The following ATXN7 variants were observed in gnomAD, a reference collection of about 807,000 sequenced individuals.
The protein encoded by ATXN7 is ataxin 7.
Under a neutral mutation model 70.5 loss-of-function variants are expected in ATXN7, and 12 were observed. That is an observed-to-expected ratio of 0.17 (90% CI 0.11 to 0.28). The LOEUF is 0.28. ATXN7 is among the 10% of genes least tolerant of loss of function. The pLI is 1.00. For synonymous variants in ATXN7, 498 were observed against 448.7 expected, an observed-to-expected ratio of 1.11 and a Z score of -1.39; for missense variants, 1,256 against 1,131.7, an observed-to-expected ratio of 1.11 and a Z score of -1.58.
chr3:63,965,861 A>G (rs2075213653), intron 5 of ATXN7, among the ~76,000 whole-genome samples: 1 of 152,200 alleles, frequency 6.6e-6, no homozygotes, highest in South Asian at 2.1e-4. Flanking sequence ...ATTTCTGTGT[A>G]TGTGTACAAA....
At chr3:63,954,286 C>A (rs1232758929) in intron 5 of ATXN7, among the ~76,000 whole-genome samples, 2 of 152,214 alleles carry the variant, frequency 1.3e-5, no homozygotes, top group Non-Finnish European at 2.9e-5. Flanking sequence ...AGTTTGTGCA[C>A]TGAACAACCA....
chr3:63,866,910 A>G (rs1266860433), intron 1 of ATXN7: 1 of 151,584 alleles, frequency 6.6e-6, no homozygotes, highest in Admixed American at 6.6e-5. Context: ...CAGACTTTGA[A>G]CTTGTATGAC....
chr3:63,973,023 C>T (rs2075338909), intron 5 of ATXN7, among the ~76,000 whole-genome samples: 1 of 152,162 alleles, frequency 6.6e-6, no homozygotes, highest in African/African-American at 2.4e-5. Context: ...GTGCTGCAGG[C>T]TTTGCAACTC....
chr3:63,982,843 A>G, intron 7 of ATXN7, 96 bp from the exon 8 acceptor site: 1 of 956,598 alleles, frequency 1.0e-6, no homozygotes, highest in Non-Finnish European at 1.7e-6. Flanking sequence ...TCCAGCTATA[A>G]TTTATCTAAC....
At chr3:63,990,154 G>A (rs1217251335) in intron 9 of ATXN7, 22 bp from the exon 10 acceptor site, 4 of 1,611,240 alleles carry the variant, frequency 2.5e-6, no homozygotes, top group Admixed American at 3.3e-5. Flanking sequence ...TCTGATCCGT[G>A]CTGCACTTTC....
chr3:63,934,028 T>A (rs2074611971), intron 4 of ATXN7, among the ~76,000 whole-genome samples: 2 of 152,208 alleles, frequency 1.3e-5, no homozygotes, highest in South Asian at 4.1e-4. Flanking sequence ...ATCACAAATG[T>A]TGTACTTAAA....
At chr3:63,940,045 C>T (rs1244512877) in intron 4 of ATXN7, among the ~76,000 whole-genome samples, 1 of 151,910 alleles carries the variant, frequency 6.6e-6, no homozygotes, top group African/African-American at 2.4e-5. Flanking sequence ...AAGAGGCTGA[C>T]CAAAAAAGTA....
At chr3:63,895,092 C>G (rs1267093658) in intron 1 of ATXN7, among the ~76,000 whole-genome samples, 2 of 152,170 alleles carry the variant, frequency 1.3e-5, no homozygotes, top group Non-Finnish European at 2.9e-5. Context: ...GTGGCAGTCT[C>G]ACGTTAAAGC....
intron 1 of ATXN7, among the ~76,000 whole-genome samples, chr3:63,872,754 T>G (rs1162869453): frequency 6.6e-6 from 1 of 152,194 alleles, no homozygotes; most frequent in Non-Finnish European, 1.5e-5. Flanking sequence ...TAAACTCTGT[T>G]TGTTTGCCAT....
At chr3:63,938,245 A>G (rs1321498939) in intron 4 of ATXN7, among the ~76,000 whole-genome samples, 2 of 152,194 alleles carry the variant, frequency 1.3e-5, no homozygotes, top group Non-Finnish European at 2.9e-5. Context: ...CTGAGATAAG[A>G]GAATGCATGA....
intron 5 of ATXN7, among the ~76,000 whole-genome samples, chr3:63,977,385 C>A (rs13060787): frequency 0.021 from 3,181 of 152,206 alleles, 36 homozygotes; most frequent in Middle Eastern, 0.037. Flanking sequence ...CTCTGAGACA[C>A]CTGCTTGAGA....
intron 12 of ATXN7, chr3:63,998,665 T>A (rs1476190491): frequency 1.0e-6 from 1 of 985,406 alleles, no homozygotes; most frequent in African/African-American, 1.7e-5. Flanking sequence ...GGGTGCTTGC[T>A]TAGAGATCAA....
intron 8 of ATXN7, among the ~76,000 whole-genome samples, chr3:63,986,841 G>T (rs3774724): frequency 6.6e-6 from 1 of 152,156 alleles, no homozygotes; most frequent in Admixed American, 6.5e-5. Flanking sequence ...AGTCCCTAAA[G>T]TTGTACCAAC....
At chr3:63,954,316 G>A (rs1443381499) in intron 5 of ATXN7, among the ~76,000 whole-genome samples, 1 of 152,178 alleles carries the variant, frequency 6.6e-6, no homozygotes, top group Non-Finnish European at 1.5e-5. Context: ...GCCCCGGATT[G>A]GCAACAAGGT....
Position 63,952,359 on chromosome 3 carries a change from G to A in ATXN7, c.395-20G>A. The A allele has an allele frequency of 6.4e-7, 1 of 1,571,562 alleles. No individual in the cohort carries two copies. Among genetic ancestry groups the A allele is most frequent in the Admixed American group, 1.8e-5 (1 of 55,718 alleles). On this transcript the variant is annotated intron_variant, in intron 4 of 12. Transcript: ENST00000674280. The stretch of plus-strand genomic sequence containing the variant: ...AGTCAGAACCAGATGAGTGAGTGAT[G>A]CTCTGTTTCTGTGTTGCAGACATGC...
At chr3:63,998,058 G>C (rs900597695) in intron 12 of ATXN7, 1 of 985,240 alleles carries the variant, frequency 1.0e-6, no homozygotes, top group Admixed American at 6.2e-5. Context: ...TCAACGCACC[G>C]TCTTTGAGAG....
intron 8 of ATXN7, among the ~76,000 whole-genome samples, chr3:63,984,137 T>C (rs2075533398): frequency 6.6e-6 from 1 of 152,098 alleles, no homozygotes; most frequent in East Asian, 1.9e-4. Context: ...ATATAGATTT[T>C]GTCTTACAAC....
At chr3:63,928,587 C>G (rs923057275) in intron 4 of ATXN7, among the ~76,000 whole-genome samples, 2 of 152,172 alleles carry the variant, frequency 1.3e-5, no homozygotes, top group South Asian at 2.1e-4. Context: ...TCAATCCTTA[C>G]AGCAGTAGTC....
At chr3:63,997,334 C>T (rs1406719927) in intron 12 of ATXN7, among the ~76,000 whole-genome samples, 3 of 152,146 alleles carry the variant, frequency 2.0e-5, no homozygotes, top group Non-Finnish European at 4.4e-5. Context: ...ATTTTCTCTT[C>T]CCGTTTTTGA....
Sources: allele counts gnomAD v4.1 joint callset (sites outside exome capture counted in the v4.1 genomes callset), GRCh38; gene constraint gnomAD v4.1.1; transcripts MANE v1.5; gene names NCBI Gene and HGNC (gene_info 2026-07-23, HGNC 2026-07-21).